LARP4: variants seen among roughly 807,000 people sequenced by gnomAD.
The protein encoded by LARP4 is la-related protein 4.
In LARP4, 29 loss-of-function variants were observed where a neutral mutation model predicts 92.9. That is an observed-to-expected ratio of 0.31 (90% CI 0.23 to 0.43). The LOEUF (loss-of-function observed/expected upper bound fraction) is 0.43, where lower values mean the gene tolerates loss of function less well. Ranked by LOEUF, LARP4 falls within the 20% of genes least tolerant of loss-of-function variation. LARP4 has a pLI of 1.00. For missense variants in LARP4, 732 were observed against 860.0 expected (o/e 0.85, Z 1.86); for synonymous variants, 279 against 284.1 (o/e 0.98, Z 0.18).
intron 10 of LARP4, among the ~76,000 whole-genome samples, chr12:50,460,691 A>G (rs1955214956): frequency 6.6e-6 from 1 of 152,086 alleles, no homozygotes; most frequent in Non-Finnish European, 1.5e-5. Flanking sequence ...CTGTAATCCC[A>G]GCACTTTGGG....
intron 10 of LARP4, 147 bp from the exon 11 acceptor site, chr12:50,460,988 G>A: frequency 1.5e-6 from 1 of 671,972 alleles, no homozygotes; most frequent in South Asian, 1.6e-5. Flanking sequence ...AATGTAAAAG[G>A]GGCAACACTT....
In LARP4 at chr12:50,462,638, T is replaced by C. The variant is rs774945815; in HGVS notation, c.1383+8T>C. ...GAAGATGACAGGATCTCAGTAAGTTTTTTAAAACTTTTATTCAGACTTTTT... is the reference window on the plus strand; with the variant it reads ...GAAGATGACAGGATCTCAGTAAGTTCTTTAAAACTTTTATTCAGACTTTTT... On this transcript the variant is annotated splice_region_variant and intron_variant, in intron 12 of 15. Coordinates refer to ENST00000398473, the MANE Select transcript of LARP4 (RefSeq NM_052879.5). 1 of 1,568,722 alleles carries C rather than the reference T, an allele frequency of 6.4e-7. No homozygotes were observed. Among genetic ancestry groups the C allele is most frequent in the Admixed American group, 1.7e-5 (1 of 57,630 alleles).
At chr12:50,424,664 G>A (rs917763895) in intron 1 of LARP4, among the ~76,000 whole-genome samples, 2 of 151,706 alleles carry the variant, frequency 1.3e-5, no homozygotes, top group Admixed American at 1.3e-4. Flanking sequence ...AGCCAACCCT[G>A]TCTTTAAAAA....
intron 8 of LARP4, among the ~76,000 whole-genome samples, chr12:50,451,995 T>C (rs964995172): frequency 6.6e-6 from 1 of 152,020 alleles, no homozygotes; most frequent in Non-Finnish European, 1.5e-5. Context: ...AGAGCAAGAC[T>C]CTGTCTCAAA....
intron 10 of LARP4, among the ~76,000 whole-genome samples, chr12:50,458,413 A>G (rs1954738156): frequency 6.6e-6 from 1 of 152,050 alleles, no homozygotes; most frequent in Non-Finnish European, 1.5e-5. Flanking sequence ...TACAGGTGTG[A>G]GCCACCACAC....
At chr12:50,405,286 T>C (rs1411675492) in intron 1 of LARP4, among the ~76,000 whole-genome samples, 2 of 152,130 alleles carry the variant, frequency 1.3e-5, no homozygotes, top group African/African-American at 4.8e-5. Context: ...CACAAAGTCA[T>C]CAAACATGAC....
chr12:50,437,058 C>T lies in LARP4; in HGVS notation c.536-677C>T, dbSNP rs1201003164. Among the ~76,000 whole-genome samples the T allele has an allele frequency of 4.6e-5, 7 of 152,166 alleles. No individual in the cohort carries two copies. The East Asian group carries it at 1.2e-3, about 25-fold the overall frequency. On this transcript the variant is annotated intron_variant, in intron 5 of 15. Transcript: ENST00000398473. ...CACCTGTTTAGGCTGGAACTTGGCACTTATTATACCTATGCCATCACACTT... is the reference window on the plus strand; with the variant it reads ...CACCTGTTTAGGCTGGAACTTGGCATTTATTATACCTATGCCATCACACTT...
chr12:50,424,427 C>T (rs921331807), intron 1 of LARP4, among the ~76,000 whole-genome samples: 4 of 151,658 alleles, frequency 2.6e-5, no homozygotes, highest in South Asian at 2.1e-4. Flanking sequence ...GGCCCGATCT[C>T]GGCTCACCGC....
In LARP4 at chr12:50,475,826, G is replaced by A. The variant is rs1319175110; in HGVS notation, c.2137G>A (p.Gly713Ser). Residue 713 changes from glycine to serine, a missense_variant, in exon 16 of 16, where the codon GGC (glycine) becomes AGC (serine). Physicochemically the swap from Gly to Ser is moderately conservative, Grantham distance 56 (BLOSUM62 0). Coordinates refer to ENST00000398473, the MANE Select transcript of LARP4 (RefSeq NM_052879.5). ...ACCTCAGGGAGTGACTCGACGTAAT[G>A]GCAAAGAGCAATATGTGCCACCCAG... ...AIPQGVTRRN[G>S]KEQYVPPRSP... The A allele has an allele frequency of 3.1e-6, 5 of 1,613,830 alleles. No individual in the cohort carries two copies. The highest frequency in any genetic ancestry group is 2.5e-6 in the Non-Finnish European group (3 of 1,180,024).
intron 1 of LARP4, among the ~76,000 whole-genome samples, chr12:50,416,599 C>T (rs888285644): frequency 6.6e-6 from 1 of 151,772 alleles, no homozygotes; most frequent in Non-Finnish European, 1.5e-5. Flanking sequence ...TGGGAGGATC[C>T]CTAGAGCCTG....
intron 1 of LARP4, among the ~76,000 whole-genome samples, chr12:50,412,618 T>C (rs1946099053): frequency 6.6e-6 from 1 of 152,324 alleles, no homozygotes; most frequent in South Asian, 2.1e-4. Context: ...CTTTCATTTT[T>C]ATCTCTCTGA....
At chr12:50,408,522 A>C (rs1464109440) in intron 1 of LARP4, among the ~76,000 whole-genome samples, 3 of 151,766 alleles carry the variant, frequency 2.0e-5, no homozygotes, top group African/African-American at 7.2e-5. Context: ...GTCAGGGTAG[A>C]AAAGTCTGCA....
chr12:50,405,400 G>A (rs1267168326), intron 1 of LARP4, among the ~76,000 whole-genome samples: 2 of 152,024 alleles, frequency 1.3e-5, no homozygotes, highest in Non-Finnish European at 2.9e-5. Flanking sequence ...GAGCCCTAAG[G>A]AGGCAGATAG....
rs554909153 is a variant in LARP4, at chr12:50,412,279, T to C, written c.18+11251T>C. The stretch of plus-strand genomic sequence containing the variant: ...GGAAGAAATGACAGGTGTTTTTTTT[T>C]CCCCCCCTAAGTACTTGTAACTTAG... On this transcript the variant is annotated intron_variant, in intron 1 of 15. Coordinates refer to ENST00000398473, the MANE Select transcript of LARP4 (RefSeq NM_052879.5). 3.4e-4 allele frequency: 60 copies of C among 176,546 alleles called. No individual in the cohort carries two copies. The South Asian group carries it at 5.3e-3, about 16-fold the overall frequency. 10.9% of individuals were successfully genotyped at this position (176,546 alleles called of 1,614,324 possible).
At chr12:50,462,828 GC>G (rs1955621139) in intron 12 of LARP4, among the ~76,000 whole-genome samples, 198 bp downstream of exon 12, 2 of 152,084 alleles carry the variant, frequency 1.3e-5, no homozygotes, top group African/African-American at 4.8e-5. Flanking sequence ...GTAGTAAGGA[GC>G]TTCGCTTGTG....
At chr12:50,404,156 G>A (rs998911960) in intron 1 of LARP4, among the ~76,000 whole-genome samples, 1 of 152,118 alleles carries the variant, frequency 6.6e-6, no homozygotes, top group African/African-American at 2.4e-5. Context: ...GAACCTGGGA[G>A]GCAGAGGTTG....
intron 3 of LARP4, among the ~76,000 whole-genome samples, chr12:50,429,592 A>C (rs1949335076): frequency 6.6e-6 from 1 of 152,168 alleles, no homozygotes; most frequent in Admixed American, 6.5e-5. Flanking sequence ...CCTACTTTGA[A>C]CATAGAGTTG....
chr12:50,468,060 A>G (rs1037111561), intron 13 of LARP4, among the ~76,000 whole-genome samples: 5 of 151,742 alleles, frequency 3.3e-5, no homozygotes. Context: ...GCTCACTGCA[A>G]CCTCCACCTC....
At chr12:50,468,990 CTCT>C (rs757267388) in intron 13 of LARP4, among the ~76,000 whole-genome samples, 4 of 152,180 alleles carry the variant, frequency 2.6e-5, no homozygotes, top group South Asian at 4.2e-4. Flanking sequence ...ATTTTCCTTA[CTCT>C]TCTTTATCGA....
Sources: allele counts gnomAD v4.1 joint callset (sites outside exome capture counted in the v4.1 genomes callset), GRCh38; gene constraint gnomAD v4.1.1; transcripts MANE v1.5; gene names NCBI Gene and HGNC (gene_info 2026-07-23, HGNC 2026-07-21).